Variants in RRP7A observed in about 807,000 individuals in gnomAD.
RRP7A encodes ribosomal RNA-processing protein 7 homolog A.
In RRP7A, 27 loss-of-function variants were observed where a neutral mutation model predicts 38.4. The ratio of observed to expected loss-of-function variants is 0.70; its 90% CI spans 0.52 to 0.97. The LOEUF (loss-of-function observed/expected upper bound fraction) is 0.97, where lower values mean the gene tolerates loss of function less well. Ranked by LOEUF, RRP7A falls within the 50% of genes least tolerant of loss-of-function variation. The probability of loss-of-function intolerance (pLI) is 0.00; values close to 1 mark genes in which losing one functional copy is unlikely to be tolerated. For missense variants in RRP7A, 327 were observed against 375.4 expected, an observed-to-expected ratio of 0.87 and a Z score of 1.07; for synonymous variants, 124 against 150.3, an observed-to-expected ratio of 0.83 and a Z score of 1.28.
chr22:42,512,414 C>T lies in RRP7A; in HGVS notation c.*496G>A, dbSNP rs572410725. ...ATTCCAACTTCAACATCTGTGACCT[C>T]AAGGGGGAGACAGAGTCTGGGTTCC... On this transcript the variant is annotated 3_prime_UTR_variant, in exon 7 of 7. Transcript: ENST00000323013. 1.1e-4 allele frequency: 70 copies of T among 625,284 alleles called. No individual in the cohort carries two copies. The African/African-American group carries it at 1.2e-3, about 10-fold the overall frequency. The allele number at this position is 625,284 out of a possible 1,614,324, so 38.7% of individuals were successfully genotyped here. A position where few individuals can be genotyped will look rare whatever the true frequency, so the allele number is the denominator to read the frequency against.
In RRP7A at chr22:42,510,685, G is replaced by C; in HGVS notation, c.*2225C>G. On this transcript the variant is annotated 3_prime_UTR_variant, in exon 7 of 7. Coordinates refer to ENST00000323013, the MANE Select transcript of RRP7A (RefSeq NM_015703.5). ...AGAATTACTCTGACAAGGAGTCCCT[G>C]TCGTTCATGATAGACACAATGAAAT... is the stretch of plus-strand genomic sequence containing the variant. 4 of 1,464,468 alleles carry C rather than the reference G, an allele frequency of 2.7e-6. No homozygotes were observed. The South Asian group carries it at 3.6e-5, about 13-fold the overall frequency. 90.7% of individuals were successfully genotyped at this position (1,464,468 alleles called of 1,614,324 possible).
Position 42,514,297 on chromosome 22 carries a change from G to C in RRP7A, c.566C>G (p.Ala189Gly). 2 of 1,571,838 alleles carry C rather than the reference G, an allele frequency of 1.3e-6. No individual in the cohort carries two copies. The highest frequency in any genetic ancestry group is 1.3e-5 in the African/African-American group (1 of 74,124). The change falls in exon 6 of 7, where the codon GCT becomes GGT. Residue 189 changes from alanine (A) to glycine (G), a missense_variant. By Grantham distance (60) the Ala-to-Gly change is moderately conservative (BLOSUM62 0). Coordinates refer to ENST00000323013, the MANE Select transcript of RRP7A (RefSeq NM_015703.5). ...GACCCCCTCCTCCTCCTTGGCCTTA[G>C]CTTCTTCCTGCAAGGAAGGTGATCC... Reference protein sequence around the residue: ...AYDQKIAEEEAKAKEEEGVPD... With the variant: ...AYDQKIAEEEGKAKEEEGVPD...
Position 42,512,890 on chromosome 22 carries a change from T to C in RRP7A, c.*20A>G. On this transcript the variant is annotated 3_prime_UTR_variant, in exon 7 of 7. Transcript: ENST00000323013. ...CCTCCTGGCCCTGCACCTCCAGCCA[T>C]TCACTGCGGCTCTCACAGCTCAGTA... is the stretch of plus-strand genomic sequence containing the variant. The C allele has an allele frequency of 1.9e-6, 3 of 1,610,284 alleles. No homozygotes were observed. The highest frequency in any genetic ancestry group is 2.5e-6 in the Non-Finnish European group (3 of 1,177,374).
At chr22:42,519,327 C>A (rs1191456157) in intron 1 of RRP7A, among the ~76,000 whole-genome samples, 1 of 151,390 alleles carries the variant, frequency 6.6e-6, no homozygotes. Context: ...GGAGGGCAAC[C>A]GAGTAGGAGG....
Position 42,514,197 on chromosome 22 carries a change from G to A in RRP7A, c.666C>T (p.Ser222=), listed in dbSNP as rs748642666. The A allele has an allele frequency of 6.2e-6, 10 of 1,612,074 alleles. No individual in the cohort carries two copies. The South Asian group carries it at 9.9e-5, about 16-fold the overall frequency. Residue 222 remains serine (S), a synonymous_variant, in exon 6 of 7, where the codon AGC becomes AGT. Transcript: ENST00000323013. ...GTCTCTCCCTCTCCAGCACCCGCAA[G>A]CTGGCTGCCTCAGTCCGGGGGAGCA... ...RPVLPRTEAA[S]LRVLERERRK...
intron 2 of RRP7A, among the ~76,000 whole-genome samples, chr22:42,517,476 C>A (rs1403479166): frequency 6.6e-6 from 1 of 151,720 alleles, no homozygotes; most frequent in Non-Finnish European, 1.5e-5. Flanking sequence ...ATTCAGACAA[C>A]TTTGGGTAAT....
chr22:42,517,365 AATT>A (rs1205375013), intron 2 of RRP7A, among the ~76,000 whole-genome samples: 2 of 148,790 alleles, frequency 1.3e-5, no homozygotes, highest in African/African-American at 2.4e-5. Flanking sequence ...AAAAAAAAAA[AATT>A]AACAGTTGTG....
intron 6 of RRP7A, 114 bp from the exon 7 acceptor site, chr22:42,513,109 C>T (rs9607908): frequency 0.23 from 191,136 of 833,774 alleles, 18,673 homozygotes; most frequent in African/African-American, 0.36. Context: ...ATGTCTCCCC[C>T]ACCAGCCCAT....
At position 42,508,759 on chromosome 22, in the gene RRP7A, G is replaced by C. The variant is rs1179215777; in HGVS notation, c.*4151C>G. On this transcript the variant is annotated 3_prime_UTR_variant, in exon 7 of 7. Coordinates refer to ENST00000323013, the MANE Select transcript of RRP7A (RefSeq NM_015703.5). ...GACTTTAATCACACAGCCATACCTG[G>C]TGGCAAAGGAGTATTGGAAATGGAG... Among the ~76,000 whole-genome samples the C allele has an allele frequency of 1.3e-5, 2 of 152,252 alleles. No individual in the cohort carries two copies. The highest frequency in any genetic ancestry group is 2.9e-5 in the Non-Finnish European group (2 of 68,048).
intron 5 of RRP7A, 40 bp downstream of exon 5, chr22:42,514,642 C>G (rs779392098): frequency 3.9e-6 from 6 of 1,554,328 alleles, no homozygotes; most frequent in Admixed American, 1.8e-5. Context: ...CACAGCCACA[C>G]GGGCGATGCG....
chr22:42,516,286 T>C (rs1487915585), intron 2 of RRP7A, 150 bp from the exon 3 acceptor site: 3 of 1,028,666 alleles, frequency 2.9e-6, no homozygotes, highest in Non-Finnish European at 4.4e-6. Flanking sequence ...GTGGGCACCA[T>C]GGCCTCCGAC....
rs1347693357 is a variant in RRP7A at position 42,518,003 on chromosome 22, A to T, written c.216+2T>A. On this transcript the variant is annotated splice_donor_variant, in intron 2 of 6. Transcript: ENST00000323013. LOFTEE classifies it high-confidence loss of function. ...TCTCCTCCCAGACAGACACTAGCTC[A>T]CCTCTGTGCAGTATGGGGGCACATT... 1 of 1,611,854 alleles carries T rather than the reference A, an allele frequency of 6.2e-7. No individual in the cohort carries two copies. Among genetic ancestry groups the T allele is most frequent in the East Asian group, 2.2e-5 (1 of 44,836 alleles).
In RRP7A at chr22:42,516,043, T is replaced by G. The variant is rs1429209782; in HGVS notation, c.310A>C (p.Arg104=). 1 of 1,608,624 alleles carries G rather than the reference T, an allele frequency of 6.2e-7. No homozygotes were observed. The highest frequency in any genetic ancestry group is 1.3e-5 in the African/African-American group (1 of 74,724). ...PDLAESPKES[R]SKFFHPKPVP... ...GGCTTGGGATGAAAAAACTTCGACC[T>G]TGACTCCTTTGGGCTCTCAGCCAGG... is the stretch of plus-strand genomic sequence containing the variant. The change falls in exon 3 of 7, where the codon AGG becomes CGG. Residue 104 remains arginine, a synonymous_variant. Coordinates refer to ENST00000323013, the MANE Select transcript of RRP7A (RefSeq NM_015703.5).
rs1394161470 is a variant in RRP7A at position 42,514,150 on chromosome 22, A to G, written c.713T>C (p.Leu238Pro). ...RERRKRSRKELLNFYAWQHRE... is the reference protein window; with the variant it reads ...RERRKRSRKEPLNFYAWQHRE... Reference sequence around the variant, plus strand: ...ATGCTGCCAGGCGTAGAAGTTGAGCAGCTCTTTTCGGCTGCGCTTCCGTCT... The same window carrying G: ...ATGCTGCCAGGCGTAGAAGTTGAGCGGCTCTTTTCGGCTGCGCTTCCGTCT... Residue 238 changes from leucine to proline, a missense_variant, in exon 6 of 7, where the codon CTG (leucine) becomes CCG (proline). Coordinates refer to ENST00000323013, the MANE Select transcript of RRP7A (RefSeq NM_015703.5). 2.5e-6 allele frequency: 4 copies of G among 1,613,566 alleles called. No individual in the cohort carries two copies. The highest frequency in any genetic ancestry group is 3.4e-6 in the Non-Finnish European group (4 of 1,179,862).
Position 42,511,979 on chromosome 22 carries a change from T to C in RRP7A, c.*931A>G. 1 of 696,816 alleles carries C rather than the reference T, an allele frequency of 1.4e-6. No homozygotes were observed. Among genetic ancestry groups the C allele is most frequent in the Non-Finnish European group, 2.6e-6 (1 of 388,644 alleles). 43.2% of individuals were successfully genotyped at this position (696,816 alleles called of 1,614,324 possible). On this transcript the variant is annotated 3_prime_UTR_variant, in exon 7 of 7. Coordinates refer to ENST00000323013, the MANE Select transcript of RRP7A (RefSeq NM_015703.5). ...ACTGTCGGGGCTCCAAGGAGCCGAG[T>C]GTGGGGGAAACTCACTGTGGGAGGC...
At position 42,516,001 on chromosome 22, in the gene RRP7A, G is replaced by C; in HGVS notation, c.342+10C>G. The C allele has an allele frequency of 6.3e-7, 1 of 1,584,550 alleles. No individual in the cohort carries two copies. Among genetic ancestry groups the C allele is most frequent in the South Asian group, 1.1e-5 (1 of 87,082 alleles). ...CTCACTCTAGTGGAACCCCGGGCTT[G>C]GCGGCTCACCGGAACTGGCTTGGGA... On this transcript the variant is annotated intron_variant, in intron 3 of 6. Coordinates refer to ENST00000323013, the MANE Select transcript of RRP7A (RefSeq NM_015703.5).
intron 6 of RRP7A, among the ~76,000 whole-genome samples, chr22:42,513,808 G>A (rs1437113518): frequency 6.6e-6 from 1 of 152,160 alleles, no homozygotes; most frequent in African/African-American, 2.4e-5. Flanking sequence ...CTCGTTAGCT[G>A]GAGGCTGACG....
At chr22:42,516,676 C>G (rs1920930675) in intron 2 of RRP7A, among the ~76,000 whole-genome samples, 2 of 152,222 alleles carry the variant, frequency 1.3e-5, no homozygotes, top group Admixed American at 6.5e-5. Context: ...TTTCCTATGA[C>G]AAGTTTTACT....
chr22:42,511,847 G>A lies in RRP7A; in HGVS notation c.*1063C>T, dbSNP rs1350926584. 16 of 492,380 alleles carry A rather than the reference G, an allele frequency of 3.2e-5. No homozygotes were observed. In the East Asian group the frequency reaches 5.0e-4, roughly 15 times the overall value. The allele number at this position is 492,380 out of a possible 1,614,324, so 30.5% of individuals were successfully genotyped here. Reference sequence around the variant, plus strand: ...TTCGGATACAATCACAGCAACCCTGGCCTCGGCCCTGCCCTGTCCCTGCCA... The same window carrying A: ...TTCGGATACAATCACAGCAACCCTGACCTCGGCCCTGCCCTGTCCCTGCCA... On this transcript the variant is annotated 3_prime_UTR_variant, in exon 7 of 7. Transcript: ENST00000323013.
Sources: gnomAD v4.1 joint callset for allele counts (sites outside exome capture counted in the v4.1 genomes callset) on GRCh38, gnomAD v4.1.1 for gene constraint, MANE v1.5 for transcripts, NCBI Gene and HGNC (gene_info 2026-07-23, HGNC 2026-07-21) for gene names.